Variants in FOCAD observed in about 807,000 individuals in gnomAD.
FOCAD encodes the protein focadhesin.
In FOCAD, 198 loss-of-function variants were observed where a neutral mutation model predicts 225.6. The observed-to-expected ratio is 0.88, with a 90% confidence interval of 0.78 to 0.99. The LOEUF (loss-of-function observed/expected upper bound fraction) is 0.99. FOCAD is among the 50% of genes least tolerant of loss of function. The pLI is 0.00. For synonymous variants in FOCAD, 897 were observed against 755.0 expected (o/e 1.19, Z -3.08); for missense variants, 2,713 against 2,123.6 (o/e 1.28, Z -5.46).
intron 2 of FOCAD, among the ~76,000 whole-genome samples, chr9:20,660,880 CAAAGAG>C (rs1019322185): frequency 2.0e-5 from 3 of 151,274 alleles, no homozygotes; most frequent in Non-Finnish European, 2.9e-5. Context: ...GGCAGACAGT[CAAAGAG>C]AAAGAGAGAG....
intron 4 of FOCAD, among the ~76,000 whole-genome samples, chr9:20,737,942 A>G (rs995522473): frequency 1.3e-5 from 2 of 152,220 alleles, no homozygotes; most frequent in African/African-American, 4.8e-5. Flanking sequence ...TAGAGCAGTT[A>G]TGTTGAGGGA....
chr9:20,946,944 T>A, intron 30 of FOCAD, 124 bp downstream of exon 30: 2 of 1,227,996 alleles, frequency 1.6e-6, no homozygotes, highest in Non-Finnish European at 2.2e-6. Context: ...GAGGAACTTC[T>A]AACTATTCTC....
upstream of FOCAD, among the ~76,000 whole-genome samples, chr9:20,680,641 G>A (rs1822374074): frequency 6.6e-6 from 1 of 152,138 alleles, no homozygotes; most frequent in Non-Finnish European, 1.5e-5. Flanking sequence ...GATAGGACTA[G>A]GAGTCAGGGA....
At chr9:20,705,288 A>C (rs912632342) in intron 1 of FOCAD, among the ~76,000 whole-genome samples, 1 of 152,196 alleles carries the variant, frequency 6.6e-6, no homozygotes, top group South Asian at 2.1e-4. Flanking sequence ...TGTTTCATCT[A>C]TCAGTCTTCT....
chr9:20,695,619 C>G (rs890399135), intron 1 of FOCAD, among the ~76,000 whole-genome samples: 2 of 152,120 alleles, frequency 1.3e-5, no homozygotes, highest in Non-Finnish European at 2.9e-5. Context: ...GAATGGACAA[C>G]AAAGGAAGGC....
At position 20,815,123 on chromosome 9, in the gene FOCAD, G is replaced by GGTTTTTTTTTTTTTTTTTTTTT. The variant is rs796702774; in HGVS notation, c.1456-4673_1456-4672insGTTTTTTTTTTTTTTTTTTTTT. ...TCTGGAAATATCATTACTTCTCTTTGTTTTTTTTTTTTTGTTTTTTTTTTT... is the reference window on the plus strand; with the variant it reads ...TCTGGAAATATCATTACTTCTCTTTGGTTTTTTTTTTTTTTTTTTTTTTTTTTTTTTTTTTGTTTTTTTTTTT... On this transcript the variant is annotated intron_variant, in intron 11 of 43. Transcript: ENST00000338382. Among the ~76,000 whole-genome samples the GGTTTTTTTTTTTTTTTTTTTTT allele has an allele frequency of 1.7e-3, 143 of 85,382 alleles. 27 individuals carry two copies. The highest frequency in any genetic ancestry group is 2.0e-3 in the Non-Finnish European group (88 of 44,548). The allele number at this position is 85,382 out of a possible 152,430, so 56.0% of individuals were successfully genotyped here.
chr9:20,713,375 AT>A (rs1156773841), intron 1 of FOCAD, among the ~76,000 whole-genome samples: 8 of 152,156 alleles, frequency 5.3e-5, no homozygotes, highest in Non-Finnish European at 1.0e-4. Flanking sequence ...CCGCCTAGAT[AT>A]CTGTTTGGCT....
upstream of FOCAD, among the ~76,000 whole-genome samples, chr9:20,658,090 A>AG (rs1442003053): frequency 1.4e-5 from 2 of 145,246 alleles, no homozygotes; most frequent in Admixed American, 6.9e-5. Context: ...TAGGCTGCTC[A>AG]GGGGTCAGGG....
intron 11 of FOCAD, among the ~76,000 whole-genome samples, chr9:20,794,774 T>G (rs1820881894): frequency 6.6e-6 from 1 of 152,240 alleles, no homozygotes; most frequent in Non-Finnish European, 1.5e-5. Context: ...ATACCATTGG[T>G]GGATTATCTT....
At chr9:20,785,805 T>A (rs1819864034) in intron 10 of FOCAD, among the ~76,000 whole-genome samples, 1 of 152,242 alleles carries the variant, frequency 6.6e-6, no homozygotes, top group African/African-American at 2.4e-5. Context: ...GATAACTCTA[T>A]GTTTCACAGT....
chr9:20,681,136 G>T (rs911967186), upstream of FOCAD, among the ~76,000 whole-genome samples: 1 of 152,174 alleles, frequency 6.6e-6, no homozygotes, highest in Admixed American at 6.5e-5. Context: ...TGTGTAATTG[G>T]CTTGATTAGA....
chr9:20,835,801 G>C (rs1222301469), intron 15 of FOCAD, among the ~76,000 whole-genome samples: 3 of 152,008 alleles, frequency 2.0e-5, no homozygotes, highest in African/African-American at 7.2e-5. Flanking sequence ...AAAATTAATA[G>C]GCGTTGCAAG....
At chr9:20,768,456 T>G (rs950447398) in intron 7 of FOCAD, among the ~76,000 whole-genome samples, 1 of 151,944 alleles carries the variant, frequency 6.6e-6, no homozygotes, top group African/African-American at 2.4e-5. Flanking sequence ...TTCCTACCCA[T>G]GAGCATGGAA....
intron 2 of FOCAD, among the ~76,000 whole-genome samples, chr9:20,662,538 G>T (rs928078526): frequency 3.9e-5 from 6 of 152,018 alleles, no homozygotes; most frequent in African/African-American, 1.4e-4. Flanking sequence ...GCCTGCATCT[G>T]GTTTCAGCTT....
intron 21 of FOCAD, among the ~76,000 whole-genome samples, chr9:20,896,080 T>A (rs757653078): frequency 1.4e-4 from 22 of 152,034 alleles, no homozygotes; most frequent in South Asian, 4.1e-4. Context: ...GAAAAACTGT[T>A]CGATTTTGTC....
At chr9:20,850,917 C>T (rs757238145) in intron 15 of FOCAD, among the ~76,000 whole-genome samples, 1 of 150,072 alleles carries the variant, frequency 6.7e-6, no homozygotes, top group Non-Finnish European at 1.5e-5. Context: ...TCTCTACTAC[C>T]TGATGCTAAG....
In FOCAD at chr9:20,901,772, A is replaced by G. The variant is rs1026298301; in HGVS notation, c.2626-5378A>G. 1.4e-4 allele frequency among the ~76,000 whole-genome samples: 21 copies of G among 151,940 alleles called. 1 individual carries two copies. The highest frequency in any genetic ancestry group is 5.1e-4 in the African/African-American group (21 of 41,418). On this transcript the variant is annotated intron_variant, in intron 21 of 43. Coordinates refer to ENST00000338382, the MANE Select transcript of FOCAD (RefSeq NM_001375567.1). ...AATATACTTAATTAAAGCTTACATCATACAGATTTAAAAGTTTACAGAATT... is the reference window on the plus strand; with the variant it reads ...AATATACTTAATTAAAGCTTACATCGTACAGATTTAAAAGTTTACAGAATT...
chr9:20,903,719 A>G (rs1832733694), intron 21 of FOCAD, among the ~76,000 whole-genome samples: 1 of 151,872 alleles, frequency 6.6e-6, no homozygotes, highest in Non-Finnish European at 1.5e-5. Flanking sequence ...CCTTTGCGTT[A>G]CCATTTTTTA....
At chr9:20,747,637 T>A (rs1828162707) in intron 5 of FOCAD, among the ~76,000 whole-genome samples, 2 of 152,256 alleles carry the variant, frequency 1.3e-5, no homozygotes, top group East Asian at 3.9e-4. Flanking sequence ...CTACTATTTG[T>A]GTCTTTGGAT....
Sources: gnomAD v4.1 joint callset for allele counts (sites outside exome capture counted in the v4.1 genomes callset) on GRCh38, gnomAD v4.1.1 for gene constraint, MANE v1.5 for transcripts, NCBI Gene and HGNC (gene_info 2026-07-23, HGNC 2026-07-21) for gene names.